The following BBS9 variants were observed in gnomAD, a reference collection of about 807,000 sequenced individuals.
The protein encoded by BBS9 is protein PTHB1.
Under a neutral mutation model 117.7 loss-of-function variants are expected in BBS9, and 89 were observed. The ratio of observed to expected loss-of-function variants is 0.76; its 90% confidence interval spans 0.64 to 0.90. The LOEUF is 0.90. Among genes scored for constraint, BBS9 ranks in the 40% least tolerant of loss-of-function variants. The pLI is 0.00. For missense variants in BBS9, 982 were observed against 1,042.2 expected, an observed-to-expected ratio of 0.94 and a Z score of 0.80; for synonymous variants, 379 against 370.9, an observed-to-expected ratio of 1.02 and a Z score of -0.25.
chr7:33,413,860 A>T (rs1584736394), intron 19 of BBS9, among the ~76,000 whole-genome samples: 1 of 152,170 alleles, frequency 6.6e-6, no homozygotes, highest in African/African-American at 2.4e-5. Flanking sequence ...CATTTCTACT[A>T]AAAATACAAA....
At chr7:33,504,758 A>G (rs1845911272) in intron 19 of BBS9, among the ~76,000 whole-genome samples, 1 of 152,116 alleles carries the variant, frequency 6.6e-6, no homozygotes, top group Admixed American at 6.5e-5. Context: ...CCACAGAATT[A>G]TTCAAAAAGA....
chr7:33,521,628 T>C (rs144997760), intron 20 of BBS9, among the ~76,000 whole-genome samples: 870 of 15,296 alleles, frequency 0.057, 8 homozygotes, highest in African/African-American at 0.16. Context: ...TTCAGTGCTT[T>C]ATTTTATAAA....
chr7:33,381,828 C>T (rs945719594), intron 17 of BBS9, among the ~76,000 whole-genome samples: 2 of 151,892 alleles, frequency 1.3e-5, no homozygotes, highest in African/African-American at 4.8e-5. Context: ...CAGGCATACC[C>T]AGTATATTTT....
intron 21 of BBS9, among the ~76,000 whole-genome samples, chr7:33,586,994 T>C (rs1381314850): frequency 1.3e-5 from 2 of 152,058 alleles, no homozygotes; most frequent in Non-Finnish European, 2.9e-5. Context: ...AGCTTCAGGA[T>C]CACACAATAT....
At chr7:33,195,131 T>G (rs1784737252) in intron 5 of BBS9, among the ~76,000 whole-genome samples, 1 of 152,144 alleles carries the variant, frequency 6.6e-6, no homozygotes, top group African/African-American at 2.4e-5. Context: ...AGGGAGGTTT[T>G]TCTATAAGCT....
At chr7:33,431,306 T>C (rs1201417832) in intron 19 of BBS9, among the ~76,000 whole-genome samples, 3 of 152,186 alleles carry the variant, frequency 2.0e-5, no homozygotes, top group Non-Finnish European at 4.4e-5. Flanking sequence ...ATGTAGATTT[T>C]TGACTAGGGG....
chr7:33,265,153 A>C (rs887136526), intron 7 of BBS9, among the ~76,000 whole-genome samples: 2 of 152,226 alleles, frequency 1.3e-5, no homozygotes. Flanking sequence ...ACAGTGAAAT[A>C]AATCTGAGGA....
chr7:33,146,393 AT>A, intron 2 of BBS9, 29 bp downstream of exon 2: 1 of 1,554,052 alleles, frequency 6.4e-7, no homozygotes, highest in Non-Finnish European at 8.9e-7. Flanking sequence ...TACATCTTGG[AT>A]GAAAGTTTTA....
At position 33,133,387 on chromosome 7, in the gene BBS9, C is replaced by A. The variant is rs1051120577; in HGVS notation, c.-12+3346C>A. Among the ~76,000 whole-genome samples the A allele has an allele frequency of 2.4e-4, 37 of 152,156 alleles. 2 individuals are homozygous for A. Among genetic ancestry groups the A allele is most frequent in the Non-Finnish European group, 2.9e-5 (2 of 68,030 alleles). Reference sequence around the variant, plus strand: ...ATCAACTCAAAAAGAAACCTCGCATCCCTTAGCTATAACTCTCCTTCTCTC... The same window carrying A: ...ATCAACTCAAAAAGAAACCTCGCATACCTTAGCTATAACTCTCCTTCTCTC... On this transcript the variant is annotated intron_variant, in intron 1 of 22. Coordinates refer to ENST00000242067, the MANE Select transcript of BBS9 (RefSeq NM_198428.3).
intron 16 of BBS9, among the ~76,000 whole-genome samples, chr7:33,366,328 T>G (rs1186795412): frequency 6.6e-6 from 1 of 152,076 alleles, no homozygotes; most frequent in Non-Finnish European, 1.5e-5. Flanking sequence ...ATCTTAGGTA[T>G]GCCGATATAA....
In BBS9 at chr7:33,574,725, A is replaced by G. The variant is rs868126237; in HGVS notation, c.2522-30140A>G. Among the ~76,000 whole-genome samples, 253 of 125,898 alleles carry G rather than the reference A, an allele frequency of 2.0e-3. 1 individual carries two copies. The highest frequency in any genetic ancestry group is 5.2e-3 in the East Asian group (23 of 4,442). 82.6% of individuals were successfully genotyped at this position (125,898 alleles called of 152,430 possible). On this transcript the variant is annotated intron_variant, in intron 21 of 22. Transcript: ENST00000242067. ...CACACACACACACACACACACACACACGCGCACACACACACACTTTCACTA... is the reference window on the plus strand; with the variant it reads ...CACACACACACACACACACACACACGCGCGCACACACACACACTTTCACTA...
At chr7:33,461,491 G>A (rs1054562864) in intron 19 of BBS9, among the ~76,000 whole-genome samples, 7 of 151,458 alleles carry the variant, frequency 4.6e-5, no homozygotes, top group Admixed American at 1.3e-4. Flanking sequence ...AAAAACTTTG[G>A]ATAATTTCCA....
chr7:33,541,561 A>G (rs963746629), intron 21 of BBS9, among the ~76,000 whole-genome samples: 1 of 152,250 alleles, frequency 6.6e-6, no homozygotes, highest in Non-Finnish European at 1.5e-5. Context: ...ATATCCATCA[A>G]CTGATAAATG....
At chr7:33,371,481 A>G (rs1187430138) in intron 17 of BBS9, among the ~76,000 whole-genome samples, 12 of 152,178 alleles carry the variant, frequency 7.9e-5, no homozygotes, top group African/African-American at 2.9e-4. Flanking sequence ...TAAATGAGCA[A>G]TATTAGAACA....
intron 14 of BBS9, 127 bp from the exon 15 acceptor site, chr7:33,352,732 T>G (rs1047686113): frequency 9.2e-7 from 1 of 1,087,616 alleles, no homozygotes; most frequent in Non-Finnish European, 1.4e-6. Flanking sequence ...AAGTCATCTG[T>G]GAGAATCTTG....
chr7:33,166,877 C>T (rs543040212), intron 4 of BBS9, among the ~76,000 whole-genome samples: 35 of 152,298 alleles, frequency 2.3e-4, no homozygotes, highest in Non-Finnish European at 4.9e-4. Context: ...CCTCACCCTC[C>T]GTGGGCTGCA....
chr7:33,228,191 A>G (rs566188495), intron 5 of BBS9, among the ~76,000 whole-genome samples: 23 of 152,128 alleles, frequency 1.5e-4, no homozygotes, highest in African/African-American at 5.1e-4. Context: ...AAGGTGCTAT[A>G]TCTCATTGTG....
intron 5 of BBS9, among the ~76,000 whole-genome samples, chr7:33,248,668 C>G (rs1795749545): frequency 6.6e-6 from 1 of 152,146 alleles, no homozygotes; most frequent in Non-Finnish European, 1.5e-5. Flanking sequence ...CATGTTGTAT[C>G]ATTTTTGAGG....
intron 19 of BBS9, among the ~76,000 whole-genome samples, chr7:33,427,939 A>T (rs1833880819): frequency 6.6e-6 from 1 of 152,138 alleles, no homozygotes; most frequent in Non-Finnish European, 1.5e-5. Flanking sequence ...AGAGGAAGTG[A>T]TCACCCCCAG....
Sources: allele counts gnomAD v4.1 joint callset (sites outside exome capture counted in the v4.1 genomes callset), GRCh38; gene constraint gnomAD v4.1.1; transcripts MANE v1.5; gene names NCBI Gene and HGNC (gene_info 2026-07-23, HGNC 2026-07-21).